CTSS: variants seen among roughly 807,000 people sequenced by gnomAD.
CTSS encodes cathepsin S.
A neutral mutation model predicts 39.9 loss-of-function variants in CTSS; 15 were observed. The observed-to-expected ratio is 0.38, with a 90% CI of 0.25 to 0.58. CTSS has a LOEUF of 0.58. CTSS is among the 20% of genes least tolerant of loss of function. CTSS has a pLI of 0.70. For synonymous variants in CTSS, 126 were observed against 138.2 expected (o/e 0.91, Z 0.62); for missense variants, 250 against 398.2 (o/e 0.63, Z 3.17).
chr1:150,749,709 G>A (rs957016442), intron 6 of CTSS, among the ~76,000 whole-genome samples: 1 of 151,558 alleles, frequency 6.6e-6, no homozygotes, highest in Non-Finnish European at 1.5e-5. Flanking sequence ...GAGTGCAGTG[G>A]TATGATCATA....
intron 6 of CTSS, chr1:150,748,111 G>A (rs898059469): frequency 1.8e-4 from 62 of 347,004 alleles, no homozygotes; most frequent in South Asian, 7.3e-4. Context: ...CCAACATGGT[G>A]ACACCCCATC....
Position 150,755,071 on chromosome 1 carries a change from T to G in CTSS, c.329A>C (p.Asn110Thr). ...AGAATCAGGCAATATCCGATTAGGG[T>G]TTGACTTATATGTGATATTTCTCTG... ...QWQRNITYKS[N>T]PNRILPDSVD... Residue 110 changes from asparagine to threonine, a missense_variant, in exon 4 of 8, where the codon AAC becomes ACC. Asn to Thr is a moderately conservative substitution (Grantham distance 65). Transcript: ENST00000368985. 1 of 1,614,118 alleles carries G rather than the reference T, an allele frequency of 6.2e-7. No individual in the cohort carries two copies. The highest frequency in any genetic ancestry group is 8.5e-7 in the Non-Finnish European group (1 of 1,180,004).
In CTSS at chr1:150,764,713, C is replaced by T; in HGVS notation, c.51G>A (p.Gln17=). Residue 17 remains glutamine, a synonymous_variant, in exon 2 of 8, where the codon CAG becomes CAA. Transcript: ENST00000368985. ...GATCCAGGGTAGGATCTTTATGCAA[C>T]TGTGCCACTGCAGAGGAGCACACCA... ...VLLVCSSAVA[Q]LHKDPTLDHH... is the part of the protein sequence containing the mutation. The T allele has an allele frequency of 6.2e-7, 1 of 1,614,116 alleles. No homozygotes were observed. The highest frequency in any genetic ancestry group is 8.5e-7 in the Non-Finnish European group (1 of 1,179,992).
intron 3 of CTSS, among the ~76,000 whole-genome samples, chr1:150,756,314 A>C (rs990209825): frequency 6.6e-6 from 1 of 152,214 alleles, no homozygotes; most frequent in Admixed American, 6.5e-5. Flanking sequence ...GACCTGCCTG[A>C]GGCTGTTTTA....
At chr1:150,743,612 A>AT (rs1553193526) in intron 7 of CTSS, among the ~76,000 whole-genome samples, 63 of 79,426 alleles carry the variant, frequency 7.9e-4, no homozygotes, top group Middle Eastern at 5.9e-3. Flanking sequence ...ATAATATATT[A>AT]TATATGTATA....
chr1:150,740,408 G>A (rs1557808902), intron 7 of CTSS, among the ~76,000 whole-genome samples: 3 of 151,658 alleles, frequency 2.0e-5, no homozygotes, highest in Admixed American at 6.6e-5. Flanking sequence ...TTTTGAGACA[G>A]AGTCTCGCTC....
intron 1 of CTSS, among the ~76,000 whole-genome samples, chr1:150,765,259 T>A (rs587702615): frequency 2.6e-5 from 4 of 151,540 alleles, no homozygotes; most frequent in African/African-American, 9.7e-5. Context: ...TGCTTTCACA[T>A]CTTTAGGTAG....
At chr1:150,735,882 C>A (rs1299967323) in intron 7 of CTSS, among the ~76,000 whole-genome samples, 1 of 151,356 alleles carries the variant, frequency 6.6e-6, no homozygotes, top group African/African-American at 2.4e-5. Flanking sequence ...TCAGCCTCCT[C>A]AGTAGCTGGA....
intron 6 of CTSS, 30 bp from the exon 7 acceptor site, chr1:150,747,909 A>T: frequency 7.2e-7 from 1 of 1,387,790 alleles, no homozygotes; most frequent in Admixed American, 1.7e-5. Context: ...GGGAAAAAAG[A>T]GTGAATACTA....
rs1448797715 is a variant in CTSS at position 150,731,865 on chromosome 1, CT to C, written c.*1180del. ...AAAATAATTCTTCCAAAGTGCTTGT[CT>C]TTTATGCATTTCTTTACTTTAACAT... is the stretch of plus-strand genomic sequence containing the variant. On this transcript the variant is annotated 3_prime_UTR_variant, in exon 8 of 8. Transcript: ENST00000368985. 1 of 152,134 alleles carries C rather than the reference CT, an allele frequency of 6.6e-6. No individual in the cohort carries two copies. Among genetic ancestry groups the C allele is most frequent in the Non-Finnish European group, 1.5e-5 (1 of 68,026 alleles). 9.4% of individuals were successfully genotyped at this position (152,134 alleles called of 1,614,324 possible).
intron 7 of CTSS, among the ~76,000 whole-genome samples, chr1:150,744,497 C>T (rs1272020572): frequency 8.9e-5 from 5 of 56,256 alleles, no homozygotes; most frequent in Admixed American, 3.3e-4. Flanking sequence ...ATTATGTATA[C>T]ATAATATATT....
intron 2 of CTSS, among the ~76,000 whole-genome samples, chr1:150,762,809 T>A (rs1220148671): frequency 6.6e-6 from 1 of 152,190 alleles, no homozygotes; most frequent in Non-Finnish European, 1.5e-5. Context: ...GGAACCCTCA[T>A]ACACTTTTAG....
chr1:150,734,864 GA>G (rs1283848773), intron 7 of CTSS, among the ~76,000 whole-genome samples: 2 of 152,066 alleles, frequency 1.3e-5, no homozygotes, highest in African/African-American at 4.8e-5. Context: ...ATCCTTGTAA[GA>G]GGAATGATTT....
chr1:150,742,684 G>C (rs1043456256), intron 7 of CTSS, among the ~76,000 whole-genome samples: 5 of 152,062 alleles, frequency 3.3e-5, no homozygotes, highest in African/African-American at 1.2e-4. Context: ...ATTGGGAATG[G>C]CAAAGAGAAA....
chr1:150,733,272 A>G (rs1390892492), intron 7 of CTSS, 127 bp from the exon 8 acceptor site: 5 of 633,194 alleles, frequency 7.9e-6, no homozygotes, highest in Non-Finnish European at 5.4e-6. Context: ...AATTAGAATG[A>G]AATAAGGTAA....
intron 7 of CTSS, among the ~76,000 whole-genome samples, chr1:150,742,728 A>G (rs1652793389): frequency 6.6e-6 from 1 of 152,104 alleles, no homozygotes; most frequent in Non-Finnish European, 1.5e-5. Flanking sequence ...GGCCAAATGG[A>G]TAGGGCTGGG....
intron 7 of CTSS, among the ~76,000 whole-genome samples, chr1:150,745,842 C>T (rs1387304871): frequency 6.6e-6 from 1 of 151,736 alleles, no homozygotes; most frequent in African/African-American, 2.4e-5. Flanking sequence ...ATTAAAAGAA[C>T]ATATTTAATT....
In CTSS at chr1:150,730,876, T is replaced by C. The variant is rs1029473515; in HGVS notation, c.*2170A>G. 1 of 135,170 alleles carries C rather than the reference T, an allele frequency of 7.4e-6. No homozygotes were observed. The highest frequency in any genetic ancestry group is 1.7e-5 in the Non-Finnish European group (1 of 60,172). 8.4% of individuals were successfully genotyped at this position (135,170 alleles called of 1,614,324 possible). A position where few individuals can be genotyped will look rare whatever the true frequency, so the allele number is the denominator to read the frequency against. ...TATTTAATGCATTTATAAAGAAGCA[T>C]GCATATTAATATATAACAAACTTAT... is the stretch of plus-strand genomic sequence containing the variant. On this transcript the variant is annotated 3_prime_UTR_variant, in exon 8 of 8. Transcript: ENST00000368985.
intron 2 of CTSS, among the ~76,000 whole-genome samples, chr1:150,763,431 A>T (rs1165245989): frequency 6.6e-6 from 1 of 152,210 alleles, no homozygotes; most frequent in Non-Finnish European, 1.5e-5. Flanking sequence ...AATTACTGAA[A>T]GGGTAGATTT....
Sources: allele counts gnomAD v4.1 joint callset (sites outside exome capture counted in the v4.1 genomes callset), GRCh38; gene constraint gnomAD v4.1.1; transcripts MANE v1.5; gene names NCBI Gene and HGNC (gene_info 2026-07-23, HGNC 2026-07-21).